The following PRORP variants were observed in gnomAD, a reference collection of about 807,000 sequenced individuals.
The protein encoded by PRORP is mitochondrial ribonuclease P catalytic subunit.
A neutral mutation model predicts 59.4 loss-of-function variants in PRORP; 51 were observed. The observed-to-expected ratio is 0.86, with a 90% CI of 0.69 to 1.08. PRORP has a LOEUF of 1.08. PRORP is among the 50% of genes least tolerant of loss of function. PRORP has a pLI of 0.00. For missense variants in PRORP, 646 were observed against 690.3 expected (o/e 0.94, Z 0.72); for synonymous variants, 231 against 245.6 (o/e 0.94, Z 0.55).
At position 35,137,883 on chromosome 14, in the gene PRORP, C is replaced by T. The variant is rs1427391909; in HGVS notation, c.1167+10272C>T. 1.4e-5 allele frequency among the ~76,000 whole-genome samples: 2 copies of T among 145,480 alleles called. 1 individual carries two copies. The highest frequency in any genetic ancestry group is 1.4e-4 in the Admixed American group (2 of 13,976). On this transcript the variant is annotated intron_variant, in intron 4 of 7. Transcript: ENST00000534898. ...GCACTATATGAGAGGATTCCAGGGACTGGTTGTCTCTTCGTGCATGTACAT... is the reference window on the plus strand; with the variant it reads ...GCACTATATGAGAGGATTCCAGGGATTGGTTGTCTCTTCGTGCATGTACAT...
intron 5 of PRORP, among the ~76,000 whole-genome samples, chr14:35,243,724 C>T (rs1037086653): frequency 6.6e-6 from 1 of 152,094 alleles, no homozygotes; most frequent in Non-Finnish European, 1.5e-5. Flanking sequence ...TGAACTAGTT[C>T]CTTAACCTTG....
At chr14:35,141,668 A>G (rs980345698) in intron 4 of PRORP, among the ~76,000 whole-genome samples, 15 of 145,592 alleles carry the variant, frequency 1.0e-4, no homozygotes, top group African/African-American at 3.7e-4. Context: ...TTTCAAACAT[A>G]ATCAAAAAGA....
intron 4 of PRORP, among the ~76,000 whole-genome samples, chr14:35,161,625 G>A (rs2048062464): frequency 6.6e-6 from 1 of 152,064 alleles, no homozygotes; most frequent in Non-Finnish European, 1.5e-5. Flanking sequence ...TTGGGAGCAA[G>A]ATTTTATAAT....
At chr14:35,153,219 C>T (rs1191656391) in intron 4 of PRORP, among the ~76,000 whole-genome samples, 1 of 152,226 alleles carries the variant, frequency 6.6e-6, no homozygotes, top group Non-Finnish European at 1.5e-5. Context: ...GAAACCCCGT[C>T]TCCACCAAAA....
intron 4 of PRORP, among the ~76,000 whole-genome samples, chr14:35,160,910 A>G: frequency 6.6e-6 from 1 of 152,202 alleles, no homozygotes; most frequent in East Asian, 1.9e-4. Context: ...GATCGATCTT[A>G]CCTCAGTCTA....
intron 5 of PRORP, among the ~76,000 whole-genome samples, chr14:35,237,346 A>G (rs111979135): frequency 2.6e-5 from 4 of 151,782 alleles, no homozygotes; most frequent in South Asian, 2.1e-4. Context: ...TCCCACCTAG[A>G]CCTCCCAAAG....
chr14:35,122,295 T>C (rs953157433), upstream of PRORP: 1 of 322,612 alleles, frequency 3.1e-6, no homozygotes, highest in Non-Finnish European at 6.0e-6. Flanking sequence ...GCGCACCACG[T>C]GACCCAGGAG....
intron 5 of PRORP, among the ~76,000 whole-genome samples, chr14:35,247,690 G>A (rs1200128065): frequency 6.6e-6 from 1 of 152,048 alleles, no homozygotes; most frequent in African/African-American, 2.4e-5. Flanking sequence ...TTTGAGAGTG[G>A]AAATTTAATC....
rs139513682 is a variant in PRORP, at chr14:35,123,860, T to C, written c.615T>C (p.Tyr205=). Residue 205 remains tyrosine, a synonymous_variant, in exon 2 of 8, where the codon TAT becomes TAC. Coordinates refer to ENST00000534898, the MANE Select transcript of PRORP (RefSeq NM_014672.4). Reference sequence around the variant, plus strand: ...TCTTTGAAATTATGAAAGCCAGATATAAGACTTTAGAACCTAGAGGTTACA... The same window carrying C: ...TCTTTGAAATTATGAAAGCCAGATACAAGACTTTAGAACCTAGAGGTTACA... ...IDVFEIMKAR[Y]KTLEPRGYSL... 1 of 1,614,136 alleles carries C rather than the reference T, an allele frequency of 6.2e-7. No individual in the cohort carries two copies. Among genetic ancestry groups the C allele is most frequent in the East Asian group, 2.2e-5 (1 of 44,880 alleles).
chr14:35,124,554 T>C (rs1361522317), intron 2 of PRORP: 5 of 171,460 alleles, frequency 2.9e-5, no homozygotes, highest in Non-Finnish European at 6.1e-5. Context: ...ATTTTCTCTT[T>C]ACGACAAAAT....
chr14:35,258,090 G>T (rs1473748297), intron 5 of PRORP, among the ~76,000 whole-genome samples: 1 of 151,932 alleles, frequency 6.6e-6, no homozygotes, highest in East Asian at 1.9e-4. Context: ...CCTCCTACTG[G>T]AGATAAGCCA....
At chr14:35,262,556 C>T in intron 5 of PRORP, 1 of 679,776 alleles carries the variant, frequency 1.5e-6, no homozygotes, top group Non-Finnish European at 2.7e-6. Flanking sequence ...CCCAGAGGAA[C>T]CCTGCAGAGG....
In PRORP at chr14:35,273,616, C is replaced by T. The variant is rs772931336; in HGVS notation, c.*50C>T. ...TGTGTTTGGGTACCCTCTAGGTTGGCATCAGAGGCTCTTGAGCTGGTGTTT... is the reference window on the plus strand; with the variant it reads ...TGTGTTTGGGTACCCTCTAGGTTGGTATCAGAGGCTCTTGAGCTGGTGTTT... On this transcript the variant is annotated 3_prime_UTR_variant, in exon 8 of 8. Coordinates refer to ENST00000534898, the MANE Select transcript of PRORP (RefSeq NM_014672.4). The T allele has an allele frequency of 1.9e-6, 3 of 1,568,928 alleles. No homozygotes were observed. The highest frequency in any genetic ancestry group is 1.8e-5 in the Admixed American group (1 of 54,384).
intron 5 of PRORP, among the ~76,000 whole-genome samples, chr14:35,266,336 T>A (rs75899566): frequency 6.8e-6 from 1 of 146,714 alleles, no homozygotes; most frequent in Non-Finnish European, 1.5e-5. Flanking sequence ...AAAAAAAAAA[T>A]TAGCCAGACG....
At chr14:35,210,754 T>C (rs2049420379) in intron 5 of PRORP, among the ~76,000 whole-genome samples, 1 of 7,330 alleles carries the variant, frequency 1.4e-4, no homozygotes, top group African/African-American at 5.4e-4. Flanking sequence ...TTTTGCCTTT[T>C]TTTTTTTTTT....
chr14:35,143,740 G>A (rs936553421), intron 4 of PRORP, among the ~76,000 whole-genome samples: 1 of 144,116 alleles, frequency 6.9e-6, no homozygotes, highest in Non-Finnish European at 1.5e-5. Flanking sequence ...CTCCGCCTCC[G>A]AGGTTCAAGC....
intron 5 of PRORP, among the ~76,000 whole-genome samples, chr14:35,237,088 CTCTCTCTCTCTCTT>C (rs2050240749): frequency 7.0e-6 from 1 of 142,274 alleles, no homozygotes; most frequent in Admixed American, 7.1e-5. Flanking sequence ...CCTTCCTTCT[CTCTCTCTCTCTCTT>C]TCTCTCTCTC....
Position 35,123,055 on chromosome 14 carries a change from A to G in PRORP, c.-191A>G. ...CCCGGATTGTTGTTTAATAGAGAAA[A>G]CTCACCTGCCTTCTTGCTTTTAAGT... On this transcript the variant is annotated 5_prime_UTR_variant, in exon 2 of 8. Coordinates refer to ENST00000534898, the MANE Select transcript of PRORP (RefSeq NM_014672.4). 1.6e-6 allele frequency: 1 copy of G among 614,620 alleles called. No homozygotes were observed. The highest frequency in any genetic ancestry group is 2.8e-6 in the Non-Finnish European group (1 of 358,452). The allele number at this position is 614,620 out of a possible 1,614,324, so 38.1% of individuals were successfully genotyped here.
At chr14:35,179,743 A>C (rs1247364768) in intron 4 of PRORP, among the ~76,000 whole-genome samples, 1 of 152,102 alleles carries the variant, frequency 6.6e-6, no homozygotes, top group Non-Finnish European at 1.5e-5. Context: ...CAACTCATCA[A>C]AGTCATCGCA....
Sources: gnomAD v4.1 joint callset for allele counts (sites outside exome capture counted in the v4.1 genomes callset) on GRCh38, gnomAD v4.1.1 for gene constraint, MANE v1.5 for transcripts, NCBI Gene and HGNC (gene_info 2026-07-23, HGNC 2026-07-21) for gene names.